The following EYA4 variants were observed in gnomAD, a reference collection of about 807,000 sequenced individuals.
EYA4 encodes EYA transcriptional coactivator and phosphatase 4.
Under a neutral mutation model 87.9 loss-of-function variants are expected in EYA4, and 31 were observed. That is an observed-to-expected ratio of 0.35 (90% CI 0.27 to 0.48). The LOEUF is 0.48. EYA4 is among the 20% of genes least tolerant of loss of function. The probability of loss-of-function intolerance (pLI) is 0.99; values close to 1 mark genes in which losing one functional copy is unlikely to be tolerated. For missense variants in EYA4, 678 were observed against 761.4 expected (o/e 0.89, Z 1.29); for synonymous variants, 263 against 270.6 (o/e 0.97, Z 0.28).
At chr6:133,421,337 T>C (rs1251419775) in intron 3 of EYA4, among the ~76,000 whole-genome samples, 3 of 152,328 alleles carry the variant, frequency 2.0e-5, no homozygotes, top group African/African-American at 7.2e-5. Context: ...GGAGAGCTGA[T>C]CAGACTACCA....
chr6:133,292,683 A>G (rs1055502185), intron 2 of EYA4, among the ~76,000 whole-genome samples: 3 of 152,308 alleles, frequency 2.0e-5, no homozygotes, highest in Admixed American at 1.3e-4. Flanking sequence ...TCTAAAAGGA[A>G]AATTTTTGTG....
chr6:133,468,420 C>T (rs770989801), intron 10 of EYA4, 146 bp from the exon 11 acceptor site: 20 of 722,154 alleles, frequency 2.8e-5, no homozygotes, highest in Non-Finnish European at 3.7e-5. Context: ...GTAGTCTCTG[C>T]TCATTAGGAT....
At chr6:133,505,164 A>C (rs1409608001) in intron 13 of EYA4, among the ~76,000 whole-genome samples, 1 of 152,188 alleles carries the variant, frequency 6.6e-6, no homozygotes, top group Non-Finnish European at 1.5e-5. Context: ...TTTAGACATC[A>C]TTCCAACTTT....
At chr6:133,476,022 TTAAC>T (rs1262971568) in intron 11 of EYA4, among the ~76,000 whole-genome samples, 1 of 152,122 alleles carries the variant, frequency 6.6e-6, no homozygotes, top group Non-Finnish European at 1.5e-5. Context: ...AATTTATTGT[TTAAC>T]TGACAAATAA....
chr6:133,446,849 AT>A, intron 4 of EYA4, 95 bp downstream of exon 4: 1 of 1,131,050 alleles, frequency 8.8e-7, no homozygotes, highest in Non-Finnish European at 1.3e-6. Context: ...ATATCTTATT[AT>A]CAATAACACA....
chr6:133,322,187 GA>G (rs1164999751), intron 2 of EYA4, among the ~76,000 whole-genome samples: 1 of 152,168 alleles, frequency 6.6e-6, no homozygotes, highest in Non-Finnish European at 1.5e-5. Flanking sequence ...TTGATCAAGT[GA>G]CTATATCATT....
intron 3 of EYA4, among the ~76,000 whole-genome samples, chr6:133,435,834 C>T (rs887219805): frequency 9.1e-5 from 13 of 142,998 alleles, no homozygotes; most frequent in African/African-American, 2.4e-4. Flanking sequence ...CATGTGCACG[C>T]GTGTACACAC....
Position 133,332,522 on chromosome 6 carries a change from G to A in EYA4, c.34-49870G>A, listed in dbSNP as rs1422796935. ...TATTTTGGCAATTGGAAAGTGCCAAGACTTCTTCCACTTTGAGGCTTTCTT... is the reference window on the plus strand; with the variant it reads ...TATTTTGGCAATTGGAAAGTGCCAAAACTTCTTCCACTTTGAGGCTTTCTT... On this transcript the variant is annotated intron_variant, in intron 2 of 19. Coordinates refer to ENST00000355286, the MANE Select transcript of EYA4 (RefSeq NM_004100.5). Among the ~76,000 whole-genome samples the A allele has an allele frequency of 2.6e-5, 4 of 152,094 alleles. No homozygotes were observed. The South Asian group carries it at 6.2e-4, about 24-fold the overall frequency.
intron 3 of EYA4, among the ~76,000 whole-genome samples, chr6:133,395,361 G>A (rs757869979): frequency 7.9e-5 from 12 of 152,026 alleles, no homozygotes; most frequent in South Asian, 2.1e-4. Flanking sequence ...TATATTTTGG[G>A]GAGAGAAGTG....
At chr6:133,406,111 A>G (rs17062478) in intron 3 of EYA4, among the ~76,000 whole-genome samples, 11,681 of 152,194 alleles carry the variant, frequency 0.077, 657 homozygotes, top group East Asian at 0.22. Flanking sequence ...TAGGCTGTCA[A>G]ACTTCATTCA....
At chr6:133,519,260 A>G (rs1457500356) in intron 17 of EYA4, among the ~76,000 whole-genome samples, 1 of 150,684 alleles carries the variant, frequency 6.6e-6, no homozygotes, top group Admixed American at 6.6e-5. Context: ...CAAGACTAAT[A>G]AAGAAAAAAA....
At position 133,525,266 on chromosome 6, in the gene EYA4, C is replaced by T; in HGVS notation, c.1839+12C>T. On this transcript the variant is annotated intron_variant, in intron 19 of 19. Transcript: ENST00000355286. ...AGGCAGCAAAAAAGGTAACCTGTCT[C>T]AAACAATGTCGGTGTGATACTTCTA... 2 of 1,603,674 alleles carry T rather than the reference C, an allele frequency of 1.2e-6. No individual in the cohort carries two copies. The highest frequency in any genetic ancestry group is 1.7e-6 in the Non-Finnish European group (2 of 1,170,738).
chr6:133,437,595 A>G (rs1468213337), intron 3 of EYA4, among the ~76,000 whole-genome samples: 3 of 152,254 alleles, frequency 2.0e-5, no homozygotes, highest in Non-Finnish European at 4.4e-5. Flanking sequence ...ACTGCTGTAA[A>G]GAACTGCCCA....
At chr6:133,458,352 A>G (rs1794086417) in intron 6 of EYA4, among the ~76,000 whole-genome samples, 1 of 152,184 alleles carries the variant, frequency 6.6e-6, no homozygotes, top group Non-Finnish European at 1.5e-5. Flanking sequence ...TAAGTTCTCA[A>G]TATTTTCAGC....
intron 3 of EYA4, among the ~76,000 whole-genome samples, chr6:133,439,137 GTA>G (rs1321661985): frequency 6.7e-6 from 1 of 150,370 alleles, no homozygotes; most frequent in Non-Finnish European, 1.5e-5. Context: ...AGCATTGACT[GTA>G]ATTAAGTCTG....
intron 1 of EYA4, among the ~76,000 whole-genome samples, chr6:133,267,857 G>A (rs1354476501): frequency 6.6e-6 from 1 of 152,080 alleles, no homozygotes; most frequent in African/African-American, 2.4e-5. Flanking sequence ...TCTTAGGAAA[G>A]TTAATACTGG....
At chr6:133,524,139 T>G (rs1800423448) in intron 18 of EYA4, among the ~76,000 whole-genome samples, 1 of 152,146 alleles carries the variant, frequency 6.6e-6, no homozygotes, top group African/African-American at 2.4e-5. Context: ...CCATACATTT[T>G]TAATCTAAAT....
chr6:133,327,450 G>A (rs1040460290), intron 2 of EYA4, among the ~76,000 whole-genome samples: 2 of 151,970 alleles, frequency 1.3e-5, no homozygotes, highest in African/African-American at 4.8e-5. Context: ...ATTTTTTTAA[G>A]GAACCTTATC....
chr6:133,269,832 A>G (rs1776539660), intron 1 of EYA4, among the ~76,000 whole-genome samples: 1 of 152,186 alleles, frequency 6.6e-6, no homozygotes, highest in Non-Finnish European at 1.5e-5. Context: ...ATTAACTTAC[A>G]CTTATTATTA....
Sources: gnomAD v4.1 joint callset for allele counts (sites outside exome capture counted in the v4.1 genomes callset) on GRCh38, gnomAD v4.1.1 for gene constraint, MANE v1.5 for transcripts, NCBI Gene and HGNC (gene_info 2026-07-23, HGNC 2026-07-21) for gene names.